AFAP1: variants seen among roughly 807,000 people sequenced by gnomAD.
AFAP1 encodes actin filament-associated protein 1.
AFAP1 carries 75 observed loss-of-function variants against 93.9 expected under a neutral mutation model. That is an observed-to-expected ratio of 0.80 (90% CI 0.66 to 0.97). AFAP1 has a LOEUF of 0.97. Among genes scored for constraint, AFAP1 ranks in the 50% least tolerant of loss-of-function variants. The pLI is 0.00. For synonymous variants in AFAP1, 517 were observed against 430.7 expected (o/e 1.20, Z -2.48); for missense variants, 1,201 against 1,050.8 (o/e 1.14, Z -1.98).
chr4:7,846,719 T>A (rs1377007025), intron 4 of AFAP1, among the ~76,000 whole-genome samples: 1 of 152,188 alleles, frequency 6.6e-6, no homozygotes, highest in African/African-American at 2.4e-5. Flanking sequence ...GGTGCTAGGA[T>A]AAAGCCATGA....
chr4:7,879,813 G>A (rs1426543709), intron 1 of AFAP1, among the ~76,000 whole-genome samples: 1 of 149,762 alleles, frequency 6.7e-6, no homozygotes, highest in Non-Finnish European at 1.5e-5. Flanking sequence ...CTGCAGGCAC[G>A]CACCACGACG....
chr4:7,843,558 G>C (rs1209904691), intron 4 of AFAP1, among the ~76,000 whole-genome samples: 1 of 152,184 alleles, frequency 6.6e-6, no homozygotes, highest in Non-Finnish European at 1.5e-5. Flanking sequence ...ACAAGGTGAA[G>C]TGCCTACAAA....
At chr4:7,889,995 A>C (rs979817524) in intron 1 of AFAP1, among the ~76,000 whole-genome samples, 1 of 108,516 alleles carries the variant, frequency 9.2e-6, no homozygotes, top group Admixed American at 1.0e-4. Flanking sequence ...TCCCAGGAGC[A>C]ATTTTTGTTA....
intron 1 of AFAP1, among the ~76,000 whole-genome samples, chr4:7,884,064 G>A (rs961642638): frequency 6.6e-6 from 1 of 152,088 alleles, no homozygotes; most frequent in Non-Finnish European, 1.5e-5. Context: ...TTGCAATAGT[G>A]AGTGAGTCCC....
intron 6 of AFAP1, among the ~76,000 whole-genome samples, chr4:7,823,749 C>A (rs75662757): frequency 1.4e-3 from 208 of 152,320 alleles, no homozygotes; most frequent in South Asian, 6.4e-3. Context: ...TAATCATTAA[C>A]TTCTCTCCCA....
chr4:7,762,129 C>T lies in AFAP1; in HGVS notation c.*1636G>A, dbSNP rs1214368772. 6.6e-6 allele frequency: 1 copy of T among 152,270 alleles called. No individual in the cohort carries two copies. The highest frequency in any genetic ancestry group is 1.5e-5 in the Non-Finnish European group (1 of 68,046). 9.4% of individuals were successfully genotyped at this position (152,270 alleles called of 1,614,324 possible). On this transcript the variant is annotated 3_prime_UTR_variant, in exon 18 of 18. Coordinates refer to ENST00000420658, the MANE Select transcript of AFAP1 (RefSeq NM_001134647.2). ...TTTCTTATACATGGGAGACCGCTTT[C>T]CGCTTCAGTAATCCAACGTGGCCCT...
chr4:7,908,494 A>C (rs1177838993), intron 1 of AFAP1, among the ~76,000 whole-genome samples: 1 of 152,230 alleles, frequency 6.6e-6, no homozygotes, highest in East Asian at 1.9e-4. Context: ...AACAAAATTG[A>C]TTTAATTGAT....
chr4:7,773,070 G>A (rs1560148098), intron 15 of AFAP1, 60 bp from the exon 16 acceptor site: 2 of 1,544,972 alleles, frequency 1.3e-6, no homozygotes, highest in East Asian at 2.3e-5. Flanking sequence ...AAACAACAGA[G>A]AAGGCACCTG....
chr4:7,854,915 C>T (rs912425514), intron 4 of AFAP1, among the ~76,000 whole-genome samples: 1 of 152,212 alleles, frequency 6.6e-6, no homozygotes, highest in Non-Finnish European at 1.5e-5. Context: ...CAAACAGGTA[C>T]TTCTGAGTGC....
At chr4:7,775,124 G>T in intron 14 of AFAP1, 1 of 504,220 alleles carries the variant, frequency 2.0e-6, no homozygotes, top group Non-Finnish European at 3.4e-6. Context: ...CTGGATGACA[G>T]TGAGACCCCG....
At chr4:7,808,801 T>C (rs1719756472) in intron 9 of AFAP1, among the ~76,000 whole-genome samples, 2 of 152,104 alleles carry the variant, frequency 1.3e-5, no homozygotes, top group African/African-American at 4.8e-5. Flanking sequence ...CGAGATCTGA[T>C]GGTTTAAAGG....
At position 7,939,688 on chromosome 4, in the gene AFAP1, G is replaced by A. The variant is rs1420910172; in HGVS notation, c.-35C>T. ...CGCCACCTCGCAGCGCTCGCTCCTC[G>A]CCGCGGCGCCTGGGCCGACTGGAGC... On this transcript the variant is annotated 5_prime_UTR_variant, in exon 1 of 18. Coordinates refer to ENST00000420658, the MANE Select transcript of AFAP1 (RefSeq NM_001134647.2). The surrounding 1 kb of genome is among the most constrained non-coding windows in gnomAD (Gnocchi z 5.6). The A allele has an allele frequency of 2.4e-6, 1 of 416,298 alleles. No individual in the cohort carries two copies. The highest frequency in any genetic ancestry group is 1.6e-5 in the South Asian group (1 of 60,896). 25.8% of individuals were successfully genotyped at this position (416,298 alleles called of 1,614,324 possible). A position where few individuals can be genotyped will look rare whatever the true frequency, so the allele number is the denominator to read the frequency against.
At chr4:7,926,839 G>C (rs1017225281) in intron 1 of AFAP1, among the ~76,000 whole-genome samples, 5 of 152,110 alleles carry the variant, frequency 3.3e-5, no homozygotes, top group African/African-American at 1.2e-4. Context: ...TGGTTCAAGC[G>C]ATTCTCCCGC....
chr4:7,786,599 C>T (rs1006434822), intron 11 of AFAP1, among the ~76,000 whole-genome samples: 7 of 150,688 alleles, frequency 4.6e-5, no homozygotes, highest in Non-Finnish European at 1.0e-4. Context: ...AAATACCAAG[C>T]GTTTTGATTA....
intron 13 of AFAP1, among the ~76,000 whole-genome samples, chr4:7,779,749 G>C (rs1716561055): frequency 6.6e-6 from 1 of 152,096 alleles, no homozygotes; most frequent in Non-Finnish European, 1.5e-5. Context: ...AACATAAAGA[G>C]ATACCTCCCC....
intron 1 of AFAP1, among the ~76,000 whole-genome samples, chr4:7,881,874 T>C (rs1349956945): frequency 6.6e-6 from 1 of 152,212 alleles, no homozygotes; most frequent in African/African-American, 2.4e-5. Flanking sequence ...TTGTGTGACC[T>C]TGGGTAAGTA....
intron 3 of AFAP1, among the ~76,000 whole-genome samples, chr4:7,864,282 G>A (rs1240621242): frequency 6.6e-6 from 1 of 152,226 alleles, no homozygotes; most frequent in African/African-American, 2.4e-5. Context: ...AGTATAGCTG[G>A]CTGTTTTTCT....
intron 6 of AFAP1, among the ~76,000 whole-genome samples, chr4:7,834,039 T>C (rs893080601): frequency 6.6e-6 from 1 of 150,832 alleles, no homozygotes; most frequent in African/African-American, 2.4e-5. Flanking sequence ...TGCAAAAATG[T>C]GGAACCAACC....
chr4:7,872,183 T>A lies in AFAP1; in HGVS notation c.-2-103A>T, dbSNP rs181299435. 2.8e-6 allele frequency: 4 copies of A among 1,435,206 alleles called. No individual in the cohort carries two copies. In the East Asian group the frequency reaches 7.0e-5, roughly 25 times the overall value. The allele number at this position is 1,435,206 out of a possible 1,614,324, so 88.9% of individuals were successfully genotyped here. The stretch of plus-strand genomic sequence containing the variant: ...AAGCATTTCATGTTTAGCTTGATCA[T>A]TGGATATAGTATTCTGACCTAAAAA... On this transcript the variant is annotated intron_variant, in intron 1 of 17. Transcript: ENST00000420658.
Sources: gnomAD v4.1 joint callset for allele counts (sites outside exome capture counted in the v4.1 genomes callset) on GRCh38, gnomAD v4.1.1 for gene constraint, Gnocchi (gnomAD v3.1) non-coding constraint, MANE v1.5 for transcripts, NCBI Gene and HGNC (gene_info 2026-07-23, HGNC 2026-07-21) for gene names.